COL5A2: variants seen among roughly 807,000 people sequenced by gnomAD.
COL5A2 encodes the protein collagen type V alpha 2 chain.
Under a neutral mutation model 208.2 loss-of-function variants are expected in COL5A2, and 23 were observed. The observed-to-expected ratio is 0.11, with a 90% CI of 0.08 to 0.16. The LOEUF (loss-of-function observed/expected upper bound fraction) is 0.16, where lower values mean the gene tolerates loss of function less well. Among genes scored for constraint, COL5A2 ranks in the 10% least tolerant of loss-of-function variants. The probability of loss-of-function intolerance (pLI) is 1.00; values close to 1 mark genes in which losing one functional copy is unlikely to be tolerated. For synonymous variants in COL5A2, 625 were observed against 628.5 expected, an observed-to-expected ratio of 0.99 and a Z score of 0.08; for missense variants, 1,590 against 1,956.4, an observed-to-expected ratio of 0.81 and a Z score of 3.53.
chr2:189,044,979 T>C lies in COL5A2; in HGVS notation c.3363+200A>G, dbSNP rs571771991. Among the ~76,000 whole-genome samples, 3 of 152,134 alleles carry C rather than the reference T, an allele frequency of 2.0e-5. No individual in the cohort carries two copies. In the South Asian group the frequency reaches 6.2e-4, roughly 32 times the overall value. On this transcript the variant is annotated intron_variant, in intron 47 of 53. Transcript: ENST00000374866. ...TTATTGATATAATTCATGGTTAAAT[T>C]CAGAAGAATTGTGTTAAAATTATAA...
chr2:189,176,088 G>A (rs1688673655), intron 1 of COL5A2, among the ~76,000 whole-genome samples: 1 of 151,906 alleles, frequency 6.6e-6, no homozygotes, highest in Admixed American at 6.6e-5. Flanking sequence ...CCTGATTTTT[G>A]TATCGTAACA....
the COL5A2 span, among the ~76,000 whole-genome samples, chr2:189,302,227 T>A: frequency 7.9e-5 from 12 of 152,194 alleles, no homozygotes; most frequent in Admixed American, 3.3e-4. Context: ...ATGAATCACA[T>A]AATTCTGAGA....
the COL5A2 span, among the ~76,000 whole-genome samples, chr2:189,416,014 A>T: frequency 1.3e-5 from 2 of 152,190 alleles, no homozygotes; most frequent in Non-Finnish European, 2.9e-5. Context: ...TTTGAAAATA[A>T]TTTTCCCTGA....
At chr2:189,349,153 G>A in the COL5A2 span, among the ~76,000 whole-genome samples, 51 of 152,114 alleles carry the variant, frequency 3.4e-4, no homozygotes, top group Middle Eastern at 3.4e-3. Flanking sequence ...ATTGTGTCTT[G>A]TCAGATGATT....
chr2:189,076,268 T>C lies in COL5A2; in HGVS notation c.1060-831A>G, dbSNP rs10202897. 4.6e-3 allele frequency among the ~76,000 whole-genome samples: 702 copies of C among 152,270 alleles called. 5 individuals are homozygous for C. The highest frequency in any genetic ancestry group is 0.016 in the African/African-American group (647 of 41,560). On this transcript the variant is annotated intron_variant, in intron 16 of 53. Coordinates refer to ENST00000374866, the MANE Select transcript of COL5A2 (RefSeq NM_000393.5). ...ACCTAAGACCCTAAGACCATTAATGTCAGAGTGGTTACAAGAAAGCAAACT... is the reference window on the plus strand; with the variant it reads ...ACCTAAGACCCTAAGACCATTAATGCCAGAGTGGTTACAAGAAAGCAAACT...
chr2:189,437,563 T>C, the COL5A2 span, among the ~76,000 whole-genome samples: 1 of 152,226 alleles, frequency 6.6e-6, no homozygotes, highest in Non-Finnish European at 1.5e-5. Flanking sequence ...GGTGTAATTA[T>C]AACCATGAGA....
intron 45 of COL5A2, among the ~76,000 whole-genome samples, chr2:189,047,503 T>C (rs1685695658): frequency 6.6e-6 from 1 of 152,224 alleles, no homozygotes; most frequent in Non-Finnish European, 1.5e-5. Context: ...TATGTATTAA[T>C]TATATTTAAA....
Position 189,033,958 on chromosome 2 carries a change from A to G in COL5A2, c.*112T>C. 1 of 1,360,776 alleles carries G rather than the reference A, an allele frequency of 7.3e-7. No individual in the cohort carries two copies. Among genetic ancestry groups the G allele is most frequent in the Non-Finnish European group, 1.0e-6 (1 of 957,694 alleles). The allele number at this position is 1,360,776 out of a possible 1,614,324, so 84.3% of individuals were successfully genotyped here. A position where few individuals can be genotyped will look rare whatever the true frequency, so the allele number is the denominator to read the frequency against. ...AAGACCATATATACAATGCTGATGCAGGATCAGCCATTACTTCAAGAGTCT... is the reference window on the plus strand; with the variant it reads ...AAGACCATATATACAATGCTGATGCGGGATCAGCCATTACTTCAAGAGTCT... On this transcript the variant is annotated 3_prime_UTR_variant, in exon 54 of 54. Coordinates refer to ENST00000374866, the MANE Select transcript of COL5A2 (RefSeq NM_000393.5).
chr2:189,117,875 A>C (rs1687426007), intron 1 of COL5A2, among the ~76,000 whole-genome samples: 1 of 152,080 alleles, frequency 6.6e-6, no homozygotes, highest in Non-Finnish European at 1.5e-5. Flanking sequence ...CTTTGTTGAT[A>C]TATTCTGATA....
chr2:189,180,296 T>A (rs771567373), upstream of COL5A2, among the ~76,000 whole-genome samples: 74 of 152,192 alleles, frequency 4.9e-4, no homozygotes, highest in Non-Finnish European at 9.3e-4. Context: ...ATTATTAGAA[T>A]GTTGCCCAGG....
chr2:189,378,251 C>T, the COL5A2 span, among the ~76,000 whole-genome samples: 4 of 151,954 alleles, frequency 2.6e-5, no homozygotes, highest in South Asian at 6.2e-4. Flanking sequence ...ACAACAAAAA[C>T]GCATATAATA....
At position 189,033,766 on chromosome 2, in the gene COL5A2, A is replaced by G; in HGVS notation, c.*304T>C. 2.6e-6 allele frequency: 1 copy of G among 390,412 alleles called. No individual in the cohort carries two copies. The allele number at this position is 390,412 out of a possible 1,614,324, so 24.2% of individuals were successfully genotyped here. On this transcript the variant is annotated 3_prime_UTR_variant, in exon 54 of 54. Coordinates refer to ENST00000374866, the MANE Select transcript of COL5A2 (RefSeq NM_000393.5). ...TTTTCATTACACTGAAATAAATTGA[A>G]GAAAACGGAGATTTATTTATTCAAT...
rs557474229 is a variant in COL5A2 at position 189,187,204 on chromosome 2, T to C, written c.-42+37944A>G. Among the ~76,000 whole-genome samples the C allele has an allele frequency of 2.0e-5, 3 of 152,192 alleles. No individual in the cohort carries two copies. The East Asian group carries it at 5.8e-4, about 29-fold the overall frequency. On this transcript the variant is annotated intron_variant, in intron 1 of 10. Coordinates refer to the COL5A2 transcript ENST00000649966. ...CAGTGAAATAATATGCACCAGATGATTGCTCCCATTTTATATTGAGATTCA... is the reference window on the plus strand; with the variant it reads ...CAGTGAAATAATATGCACCAGATGACTGCTCCCATTTTATATTGAGATTCA...
At chr2:189,280,379 C>T in the COL5A2 span, among the ~76,000 whole-genome samples, 1 of 152,214 alleles carries the variant, frequency 6.6e-6, no homozygotes, top group African/African-American at 2.4e-5. Flanking sequence ...TATAAATACC[C>T]TGTCAAGCTC....
the COL5A2 span, among the ~76,000 whole-genome samples, chr2:189,406,003 C>T: frequency 6.6e-6 from 1 of 152,154 alleles, no homozygotes; most frequent in Admixed American, 6.5e-5. Context: ...TTTGCAACCA[C>T]TTCATGGAGT....
chr2:189,114,631 T>TC (rs1687351674), intron 1 of COL5A2, among the ~76,000 whole-genome samples: 1 of 122,936 alleles, frequency 8.1e-6, no homozygotes, highest in Non-Finnish European at 1.7e-5. Context: ...GCCCAGGACT[T>TC]AAAAAAAAAA....
At chr2:189,155,500 T>C (rs1364290843) in intron 1 of COL5A2, among the ~76,000 whole-genome samples, 1 of 152,184 alleles carries the variant, frequency 6.6e-6, no homozygotes, top group African/African-American at 2.4e-5. Context: ...TGTTCTATTA[T>C]CTGCATTGTC....
At chr2:189,311,533 C>G in the COL5A2 span, 2 of 1,219,124 alleles carry the variant, frequency 1.6e-6, no homozygotes, top group Admixed American at 3.9e-5. Flanking sequence ...GCAGCAGGAT[C>G]CTGTTGAGCT....
intron 1 of COL5A2, among the ~76,000 whole-genome samples, chr2:189,119,403 T>C (rs879610045): frequency 2.0e-5 from 3 of 152,080 alleles, no homozygotes; most frequent in Non-Finnish European, 4.4e-5. Flanking sequence ...TTTATCCTAT[T>C]AGGGAAAATA....
Sources: gnomAD v4.1 joint callset for allele counts (sites outside exome capture counted in the v4.1 genomes callset) on GRCh38, gnomAD v4.1.1 for gene constraint, MANE v1.5 for transcripts, NCBI Gene and HGNC (gene_info 2026-07-23, HGNC 2026-07-21) for gene names.